Variants in NXPE2 observed in about 807,000 individuals in gnomAD.
NXPE2 encodes the protein NXPE family member 2.
In NXPE2, 34 loss-of-function variants were observed where a neutral mutation model predicts 34.4. The ratio of observed to expected loss-of-function variants is 0.99; its 90% CI spans 0.75 to 1.31. The LOEUF is 1.31. NXPE2 is among the 40% of genes most tolerant of loss of function. NXPE2 has a pLI of 0.00. For synonymous variants in NXPE2, 235 were observed against 231.3 expected, an observed-to-expected ratio of 1.02 and a Z score of -0.15; for missense variants, 649 against 672.5, an observed-to-expected ratio of 0.97 and a Z score of 0.39.
the NXPE2 span, among the ~76,000 whole-genome samples, chr11:114,535,723 A>G: frequency 6.6e-6 from 1 of 152,146 alleles, no homozygotes; most frequent in African/African-American, 2.4e-5. Flanking sequence ...ATTCAACAAG[A>G]AGAACTAGCT....
the NXPE2 span, among the ~76,000 whole-genome samples, chr11:114,489,546 G>C: frequency 6.6e-6 from 1 of 152,154 alleles, no homozygotes; most frequent in Non-Finnish European, 1.5e-5. Context: ...TGCAAGGCTG[G>C]TTCAACATAT....
At chr11:114,803,121 G>A in the NXPE2 span, among the ~76,000 whole-genome samples, 1 of 152,208 alleles carries the variant, frequency 6.6e-6, no homozygotes, top group Non-Finnish European at 1.5e-5. Context: ...AGAGGCAGGG[G>A]CCACACGGCC....
At chr11:114,708,641 G>GAAAAGAAAAT (rs1859539627), downstream of NXPE2, among the ~76,000 whole-genome samples, 1 of 138,928 alleles carries the variant, frequency 7.2e-6, no homozygotes, top group African/African-American at 2.8e-5. Flanking sequence ...AAAAAAAAAA[G>GAAAAGAAAAT]AAAAGAAAAG....
chr11:114,630,765 A>G, the NXPE2 span, among the ~76,000 whole-genome samples: 6 of 151,842 alleles, frequency 4.0e-5, no homozygotes, highest in Non-Finnish European at 5.9e-5. Context: ...AATCTTCGCA[A>G]CCTACTCATC....
At chr11:114,785,496 G>T in the NXPE2 span, among the ~76,000 whole-genome samples, 2 of 152,136 alleles carry the variant, frequency 1.3e-5, no homozygotes, top group South Asian at 2.1e-4. Context: ...CTCATCAATG[G>T]CTCAGTTAAT....
the NXPE2 span, among the ~76,000 whole-genome samples, chr11:114,627,589 G>A: frequency 6.6e-6 from 1 of 150,898 alleles, no homozygotes; most frequent in African/African-American, 2.4e-5. Flanking sequence ...AGACCATTGA[G>A]ACTAGGAAGA....
chr11:114,501,358 T>C, the NXPE2 span, among the ~76,000 whole-genome samples: 1 of 152,122 alleles, frequency 6.6e-6, no homozygotes, highest in African/African-American at 2.4e-5. Flanking sequence ...CTCTAAGCCC[T>C]CAGTGGATTC....
the NXPE2 span, among the ~76,000 whole-genome samples, chr11:114,619,855 C>T: frequency 7.9e-5 from 12 of 151,788 alleles, no homozygotes; most frequent in African/African-American, 2.7e-4. Flanking sequence ...CAGTGTTACC[C>T]GCTGGATAAC....
intron 3 of NXPE2, among the ~76,000 whole-genome samples, chr11:114,701,955 G>T (rs774932045): frequency 6.6e-6 from 1 of 152,250 alleles, no homozygotes. Context: ...TGTGGTGGGG[G>T]TCCTGGAACC....
chr11:114,473,169 G>T, the NXPE2 span, among the ~76,000 whole-genome samples: 2 of 152,132 alleles, frequency 1.3e-5, no homozygotes, highest in South Asian at 2.1e-4. Context: ...AGTCAGTCTT[G>T]GGATAGTGAT....
chr11:114,510,938 C>G, the NXPE2 span, among the ~76,000 whole-genome samples: 255 of 152,110 alleles, frequency 1.7e-3, 1 homozygote, highest in African/African-American at 6.0e-3. Context: ...ATTAGTAATG[C>G]AAACACTAAC....
chr11:114,753,567 A>C, the NXPE2 span, among the ~76,000 whole-genome samples: 1 of 152,222 alleles, frequency 6.6e-6, no homozygotes, highest in African/African-American at 2.4e-5. Flanking sequence ...TTATTCATCA[A>C]ATCATTGTAA....
the NXPE2 span, among the ~76,000 whole-genome samples, chr11:114,798,760 CCT>C: frequency 1.2e-4 from 19 of 152,250 alleles, no homozygotes; most frequent in Admixed American, 2.0e-4. Flanking sequence ...CCAGTTTGCC[CCT>C]GTCTCTAAGT....
chr11:114,642,993 T>A, the NXPE2 span, among the ~76,000 whole-genome samples: 1 of 152,192 alleles, frequency 6.6e-6, no homozygotes, highest in Non-Finnish European at 1.5e-5. Flanking sequence ...GGTTTTGATT[T>A]GCATTTCTCT....
At chr11:114,638,654 C>T in the NXPE2 span, among the ~76,000 whole-genome samples, 1 of 152,010 alleles carries the variant, frequency 6.6e-6, no homozygotes, top group Non-Finnish European at 1.5e-5. Context: ...TGTGGATGTC[C>T]TTTCTGTTTG....
the NXPE2 span, among the ~76,000 whole-genome samples, chr11:114,745,631 T>A: frequency 6.6e-6 from 1 of 152,206 alleles, no homozygotes; most frequent in Middle Eastern, 3.2e-3. Flanking sequence ...TATGTTTCTT[T>A]CAAGAAAAAT....
chr11:114,499,338 T>A, the NXPE2 span, among the ~76,000 whole-genome samples: 1 of 152,162 alleles, frequency 6.6e-6, no homozygotes, highest in East Asian at 1.9e-4. Flanking sequence ...ATTTATCAAA[T>A]CTATTTTTAT....
chr11:114,479,248 C>T, the NXPE2 span, among the ~76,000 whole-genome samples: 4 of 152,202 alleles, frequency 2.6e-5, no homozygotes, highest in Non-Finnish European at 5.9e-5. Context: ...AGCCTTTGAA[C>T]GTTTTAAAGC....
chr11:114,686,950 T>C (rs142493851), intron 2 of NXPE2, among the ~76,000 whole-genome samples: 6 of 152,232 alleles, frequency 3.9e-5, no homozygotes, highest in African/African-American at 9.6e-5. Flanking sequence ...ACCTACTGTT[T>C]ACTGGGACTA....
Sources: allele counts gnomAD v4.1 joint callset (sites outside exome capture counted in the v4.1 genomes callset), GRCh38; gene constraint gnomAD v4.1.1; transcripts MANE v1.5; gene names NCBI Gene and HGNC (gene_info 2026-07-23, HGNC 2026-07-21).